STAC: variants seen among roughly 807,000 people sequenced by gnomAD.
The protein encoded by STAC is SH3 and cysteine rich domain.
In STAC, 43 loss-of-function variants were observed where a neutral mutation model predicts 48.8. The ratio of observed to expected loss-of-function variants is 0.88; its 90% CI spans 0.69 to 1.14. The LOEUF is 1.14. Among genes scored for constraint, STAC ranks in the 50% most tolerant of loss-of-function variants. The pLI is 0.00. For synonymous variants in STAC, 193 were observed against 179.5 expected (o/e 1.07, Z -0.60); for missense variants, 497 against 504.0 (o/e 0.99, Z 0.13).
Position 36,398,414 on chromosome 3 carries a change from GGGAAGGAAGGAAGGAAGGAAGGAAGGAA to G in STAC, c.111+17696_111+17723del, listed in dbSNP as rs761355414. Among the ~76,000 whole-genome samples, 199 of 35,762 alleles carry G rather than the reference GGGAAGGAAGGAAGGAAGGAAGGAAGGAA, an allele frequency of 5.6e-3. 4 individuals are homozygous for G. The highest frequency in any genetic ancestry group is 0.019 in the Middle Eastern group (1 of 54). 23.5% of individuals were successfully genotyped at this position (35,762 alleles called of 152,430 possible). A position where few individuals can be genotyped will look rare whatever the true frequency, so the allele number is the denominator to read the frequency against. On this transcript the variant is annotated intron_variant, in intron 1 of 10. Transcript: ENST00000273183. ...AAAGAGAGGTAAAGAGAAAGAGAGA[GGGAAGGAAGGAAGGAAGGAAGGAAGGAA>G]GGAAGGAAGGAAGGAAGGAAGGAAG...
chr3:36,486,169 C>T lies in STAC; in HGVS notation c.607C>T (p.Leu203Phe). The change falls in exon 5 of 11, where the codon CTC becomes TTC. Residue 203 changes from leucine to phenylalanine, a missense_variant. Leu to Phe is a conservative substitution (Grantham distance 22, BLOSUM62 0). Transcript: ENST00000273183. ...GNKVDPVYET[L>F]RFGTSLAQRT... The stretch of plus-strand genomic sequence containing the variant: ...TAAGGTGGACCCTGTCTACGAGACC[C>T]TCCGCTTCGGCACCTCCCTGGCCCA... 1 of 1,614,002 alleles carries T rather than the reference C, an allele frequency of 6.2e-7. No individual in the cohort carries two copies. Among genetic ancestry groups the T allele is most frequent in the Non-Finnish European group, 8.5e-7 (1 of 1,179,948 alleles).
At chr3:36,529,159 A>G (rs1699008283) in intron 10 of STAC, 174 bp downstream of exon 10, 4 of 644,298 alleles carry the variant, frequency 6.2e-6, no homozygotes, top group Non-Finnish European at 9.2e-6. Context: ...CATGCAAACT[A>G]AAATTTTAGG....
chr3:36,539,393 C>G (rs1163037945), intron 10 of STAC, among the ~76,000 whole-genome samples: 2 of 152,096 alleles, frequency 1.3e-5, no homozygotes, highest in Non-Finnish European at 2.9e-5. Flanking sequence ...GTGTGTTATT[C>G]CCCTTTGTGT....
intron 8 of STAC, among the ~76,000 whole-genome samples, chr3:36,514,434 C>G (rs1698620227): frequency 6.6e-6 from 1 of 151,828 alleles, no homozygotes; most frequent in South Asian, 2.1e-4. Flanking sequence ...TGTTACCCTA[C>G]TTTGGATTAC....
chr3:36,383,933 A>C (rs1446487301), intron 1 of STAC, among the ~76,000 whole-genome samples: 1 of 152,244 alleles, frequency 6.6e-6, no homozygotes, highest in Non-Finnish European at 1.5e-5. Flanking sequence ...ATCCCAGTAC[A>C]GTTTCCTCAG....
At chr3:36,428,631 G>A (rs987643980) in intron 1 of STAC, among the ~76,000 whole-genome samples, 1 of 152,186 alleles carries the variant, frequency 6.6e-6, no homozygotes, top group Non-Finnish European at 1.5e-5. Flanking sequence ...CCTGAAGGAA[G>A]TGAGAAGTGA....
At chr3:36,468,814 G>A (rs1697248482) in intron 2 of STAC, among the ~76,000 whole-genome samples, 1 of 149,698 alleles carries the variant, frequency 6.7e-6, no homozygotes, top group Admixed American at 6.7e-5. Flanking sequence ...TTTTCCTGTT[G>A]GACTAGTTCT....
chr3:36,380,863 T>A lies in STAC; in HGVS notation c.111+109T>A, dbSNP rs565299213. The A allele has an allele frequency of 4.3e-6, 3 of 691,644 alleles. No homozygotes were observed. In the East Asian group the frequency reaches 1.1e-4, roughly 25 times the overall value. The allele number at this position is 691,644 out of a possible 1,614,324, so 42.8% of individuals were successfully genotyped here. A position where few individuals can be genotyped will look rare whatever the true frequency, so the allele number is the denominator to read the frequency against. On this transcript the variant is annotated intron_variant, in intron 1 of 10. Transcript: ENST00000273183. ...ACGGGCGTGGGGGTCTGAGACTTGC[T>A]AGTTAGCCCAGGGCTGTAGGACTTG... is the stretch of plus-strand genomic sequence containing the variant.
chr3:36,526,097 G>C (rs564414481), intron 8 of STAC, among the ~76,000 whole-genome samples: 1 of 152,148 alleles, frequency 6.6e-6, no homozygotes, highest in Non-Finnish European at 1.5e-5. Context: ...GTTGAATTGT[G>C]AACAATGAAG....
chr3:36,404,404 G>A (rs1038147545), intron 1 of STAC, among the ~76,000 whole-genome samples: 5 of 152,042 alleles, frequency 3.3e-5, no homozygotes, highest in African/African-American at 1.2e-4. Flanking sequence ...TATTTCAAAG[G>A]GTAATTGTGA....
At chr3:36,436,219 T>C (rs1700829323) in intron 1 of STAC, among the ~76,000 whole-genome samples, 1 of 152,214 alleles carries the variant, frequency 6.6e-6, no homozygotes, top group African/African-American at 2.4e-5. Flanking sequence ...ACCATAACTA[T>C]ACAAGGCCAA....
intron 1 of STAC, among the ~76,000 whole-genome samples, chr3:36,400,759 T>C (rs930486615): frequency 1.3e-5 from 2 of 152,228 alleles, no homozygotes; most frequent in African/African-American, 2.4e-5. Flanking sequence ...ACCACTGCCA[T>C]AGAAGTAAAT....
In STAC at chr3:36,482,854, T is replaced by A. The variant is rs966221486; in HGVS notation, c.389-138T>A. On this transcript the variant is annotated intron_variant, in intron 2 of 10. Transcript: ENST00000273183. ...AAAGCAAAAGAATCTACCATATATA[T>A]TTTTTTTCTATTTTGAAAGCTTCAT... 14 of 606,556 alleles carry A rather than the reference T, an allele frequency of 2.3e-5. No individual in the cohort carries two copies. In the African/African-American group the frequency reaches 2.4e-4, roughly 11 times the overall value. 37.6% of individuals were successfully genotyped at this position (606,556 alleles called of 1,614,324 possible).
intron 2 of STAC, among the ~76,000 whole-genome samples, chr3:36,470,647 T>C (rs1697304887): frequency 6.6e-6 from 1 of 152,242 alleles, no homozygotes; most frequent in African/African-American, 2.4e-5. Flanking sequence ...GTCTATTGAT[T>C]CTCTCAGCTT....
intron 2 of STAC, among the ~76,000 whole-genome samples, chr3:36,449,434 G>A (rs571238271): frequency 6.6e-6 from 1 of 152,082 alleles, no homozygotes; most frequent in South Asian, 2.1e-4. Flanking sequence ...CACTCGCAAG[G>A]GCAGATTCAT....
chr3:36,492,133 T>C lies in STAC; in HGVS notation c.688-1018T>C, dbSNP rs1160239909. 2.2e-5 allele frequency among the ~76,000 whole-genome samples: 3 copies of C among 136,514 alleles called. No homozygotes were observed. The Admixed American group carries it at 2.3e-4, about 11-fold the overall frequency. 89.6% of individuals were successfully genotyped at this position (136,514 alleles called of 152,430 possible). A position where few individuals can be genotyped will look rare whatever the true frequency, so the allele number is the denominator to read the frequency against. On this transcript the variant is annotated intron_variant, in intron 5 of 10. Coordinates refer to ENST00000273183, the MANE Select transcript of STAC (RefSeq NM_003149.3). ...AGGATAGAGCCAGTTAGACTGAAGC[T>C]GGGTCACGTGGCCCTTTGAAAGAGG...
intron 6 of STAC, among the ~76,000 whole-genome samples, chr3:36,495,786 A>C (rs1380076087): frequency 6.6e-6 from 1 of 152,264 alleles, no homozygotes; most frequent in Admixed American, 6.5e-5. Flanking sequence ...ACAGTCATAA[A>C]GTGTCAGAGA....
chr3:36,531,516 C>G (rs1163162794), intron 10 of STAC, among the ~76,000 whole-genome samples: 1 of 152,120 alleles, frequency 6.6e-6, no homozygotes, highest in Non-Finnish European at 1.5e-5. Flanking sequence ...GGCCTGAAGC[C>G]CTGTTTTCAT....
intron 10 of STAC, among the ~76,000 whole-genome samples, chr3:36,539,082 T>G (rs1699262630): frequency 6.6e-6 from 1 of 152,210 alleles, no homozygotes; most frequent in Admixed American, 6.5e-5. Context: ...TTCACTTTGA[T>G]TTTTCTGAAG....
Sources: gnomAD v4.1 joint callset for allele counts (sites outside exome capture counted in the v4.1 genomes callset) on GRCh38, gnomAD v4.1.1 for gene constraint, MANE v1.5 for transcripts, NCBI Gene and HGNC (gene_info 2026-07-23, HGNC 2026-07-21) for gene names.